FOXP2: variants seen among roughly 807,000 people sequenced by gnomAD.
The protein encoded by FOXP2 is forkhead box protein P2.
In FOXP2, 12 loss-of-function variants were observed where a neutral mutation model predicts 115.8. That is an observed-to-expected ratio of 0.10 (90% CI 0.07 to 0.17). The LOEUF (loss-of-function observed/expected upper bound fraction) is 0.17. FOXP2 is among the 10% of genes least tolerant of loss of function. The pLI is 1.00. For missense variants in FOXP2, 629 were observed against 843.5 expected (o/e 0.75, Z 3.15); for synonymous variants, 328 against 297.7 (o/e 1.10, Z -1.05).
intron 6 of FOXP2, among the ~76,000 whole-genome samples, chr7:114,640,868 G>C (rs1247413778): frequency 6.6e-6 from 1 of 152,150 alleles, no homozygotes; most frequent in African/African-American, 2.4e-5. Context: ...TAAATTGGGT[G>C]ATTTGGGGGA....
At position 114,691,873 on chromosome 7, in the gene FOXP2, C is replaced by T. The variant is rs777110115; in HGVS notation, c.*1947C>T. 2.0e-4 allele frequency: 90 copies of T among 448,998 alleles called. No individual in the cohort carries two copies. In the Middle Eastern group the frequency reaches 3.5e-3, roughly 17 times the overall value. The allele number at this position is 448,998 out of a possible 1,614,324, so 27.8% of individuals were successfully genotyped here. Reference sequence around the variant, plus strand: ...CACACCAAATAAAAGGACATAACGGCTTTCAAAAGGGTTTTCCCACTTACC... The same window carrying T: ...CACACCAAATAAAAGGACATAACGGTTTTCAAAAGGGTTTTCCCACTTACC... On this transcript the variant is annotated 3_prime_UTR_variant, in exon 17 of 17. Transcript: ENST00000350908.
rs530446999 is a variant in FOXP2, at chr7:114,671,082, T to A, written c.2003+6646T>A. ...TCTTACAATTTTTCTTCTGATTTAA[T>A]TCCATTTTTATTTAATCTCTAAACT... On this transcript the variant is annotated intron_variant, in intron 16 of 16. Coordinates refer to ENST00000350908, the MANE Select transcript of FOXP2 (RefSeq NM_014491.4). 2.2e-4 allele frequency among the ~76,000 whole-genome samples: 34 copies of A among 152,256 alleles called. No homozygotes were observed. In the South Asian group the frequency reaches 6.8e-3, roughly 31 times the overall value.
intron 1 of FOXP2, among the ~76,000 whole-genome samples, chr7:114,228,563 A>G (rs966645029): frequency 1.3e-4 from 20 of 152,106 alleles, no homozygotes; most frequent in African/African-American, 2.2e-4. Flanking sequence ...AAATTGCAGC[A>G]TGAAGATTAT....
intron 2 of FOXP2, among the ~76,000 whole-genome samples, chr7:114,353,100 A>T (rs1791533051): frequency 1.3e-5 from 2 of 152,116 alleles, no homozygotes; most frequent in Non-Finnish European, 2.9e-5. Flanking sequence ...TGTCCATAAG[A>T]CAATCCTTTA....
intron 6 of FOXP2, among the ~76,000 whole-genome samples, chr7:114,639,474 G>C (rs1225462207): frequency 6.6e-6 from 1 of 151,832 alleles, no homozygotes; most frequent in Non-Finnish European, 1.5e-5. Context: ...GATAACAAGA[G>C]GTAGACTAGA....
At chr7:114,384,843 C>T (rs984010087) in intron 2 of FOXP2, among the ~76,000 whole-genome samples, 5 of 151,574 alleles carry the variant, frequency 3.3e-5, no homozygotes, top group African/African-American at 4.9e-5. Flanking sequence ...TTGTCGCTAC[C>T]GACTGAATGC....
rs538729053 is a variant in FOXP2, at chr7:114,106,232, G to C, written c.-247+18394G>C. Among the ~76,000 whole-genome samples, 7 of 152,106 alleles carry C rather than the reference G, an allele frequency of 4.6e-5. No individual in the cohort carries two copies. The South Asian group carries it at 1.5e-3, about 32-fold the overall frequency. ...ATATAGACAAAATAACTATATTGTA[G>C]TATTTTTATATGAATTTAAAACCAT... On this transcript the variant is annotated intron_variant, in intron 1 of 19. Coordinates refer to the FOXP2 transcript ENST00000635638.
intron 2 of FOXP2, among the ~76,000 whole-genome samples, chr7:114,470,286 T>C (rs987422504): frequency 2.0e-5 from 3 of 152,150 alleles, no homozygotes; most frequent in Non-Finnish European, 4.4e-5. Flanking sequence ...CTTGGAATGT[T>C]TTCCCCCGAC....
At chr7:114,445,754 A>G (rs963654156) in intron 2 of FOXP2, among the ~76,000 whole-genome samples, 2 of 152,020 alleles carry the variant, frequency 1.3e-5, no homozygotes, top group Non-Finnish European at 2.9e-5. Context: ...TATAATATTT[A>G]ATAGTATAAT....
chr7:114,551,773 G>T (rs929880971), intron 3 of FOXP2, among the ~76,000 whole-genome samples: 3 of 152,032 alleles, frequency 2.0e-5, no homozygotes, highest in African/African-American at 7.3e-5. Context: ...AGAGTGGCAG[G>T]TATTTATTTT....
intron 16 of FOXP2, chr7:114,669,958 A>G (rs962092471): frequency 3.3e-5 from 5 of 152,160 alleles, no homozygotes; most frequent in Admixed American, 1.3e-4. Context: ...TGTTGTGTCT[A>G]GAGATCAAAA....
intron 10 of FOXP2, chr7:114,656,340 A>ACTTTT (rs1227182569): frequency 2.2e-5 from 4 of 183,122 alleles, no homozygotes; most frequent in Non-Finnish European, 4.7e-5. Context: ...ATGGGGAAAT[A>ACTTTT]CTTTTCTTTT....
intron 1 of FOXP2, among the ~76,000 whole-genome samples, chr7:114,235,880 C>CA (rs1794995453): frequency 6.6e-6 from 1 of 152,178 alleles, no homozygotes. Context: ...TAAACTTATA[C>CA]AACTCATTCT....
chr7:114,145,438 TTTCTTTTCTTTTCTTTTC>T lies in FOXP2; in HGVS notation c.-246-17503_-246-17486del, dbSNP rs1185061679. Among the ~76,000 whole-genome samples the T allele has an allele frequency of 5.5e-3, 115 of 20,892 alleles. 1 individual carries two copies. Among genetic ancestry groups the T allele is most frequent in the East Asian group, 0.023 (35 of 1,490 alleles). The allele number at this position is 20,892 out of a possible 152,430, so 13.7% of individuals were successfully genotyped here. A position where few individuals can be genotyped will look rare whatever the true frequency, so the allele number is the denominator to read the frequency against. On this transcript the variant is annotated intron_variant, in intron 1 of 19. Transcript: ENST00000635638. ...AAATAGTAGCTTTGCCATTTTTTCTTTTCTTTTCTTTTCTTTTCTTTTCTTTTCTTTTCTTTTCTTTTC... is the reference window on the plus strand; with the variant it reads ...AAATAGTAGCTTTGCCATTTTTTCTTTTTTCTTTTCTTTTCTTTTCTTTTC...
chr7:114,606,373 AC>A (rs1803328066), intron 3 of FOXP2, among the ~76,000 whole-genome samples: 1 of 152,186 alleles, frequency 6.6e-6, no homozygotes, highest in South Asian at 2.1e-4. Context: ...AAGCCAACTC[AC>A]AGTCAAACTA....
chr7:114,513,367 T>C (rs913345167), intron 2 of FOXP2, among the ~76,000 whole-genome samples: 3 of 152,156 alleles, frequency 2.0e-5, no homozygotes, highest in Non-Finnish European at 4.4e-5. Context: ...TGACTATAAT[T>C]AGTAAGGGTA....
At chr7:114,211,356 G>T (rs1267216188) in intron 1 of FOXP2, among the ~76,000 whole-genome samples, 2 of 152,214 alleles carry the variant, frequency 1.3e-5, no homozygotes, top group Non-Finnish European at 2.9e-5. Context: ...CTCACAAGGG[G>T]ATCTCCTGAT....
chr7:114,102,057 C>T (rs775491754), intron 1 of FOXP2, among the ~76,000 whole-genome samples: 20 of 151,824 alleles, frequency 1.3e-4, no homozygotes, highest in Non-Finnish European at 2.8e-4. Context: ...TAAATTAGAT[C>T]TTGAAGTGTC....
In FOXP2 at chr7:114,693,761, AC is replaced by A. The variant is rs1808795765; in HGVS notation, c.*3838del. 1 of 317,224 alleles carries A rather than the reference AC, an allele frequency of 3.2e-6. No individual in the cohort carries two copies. The allele number at this position is 317,224 out of a possible 1,614,324, so 19.7% of individuals were successfully genotyped here. A position where few individuals can be genotyped will look rare whatever the true frequency, so the allele number is the denominator to read the frequency against. On this transcript the variant is annotated 3_prime_UTR_variant, in exon 17 of 17. Transcript: ENST00000350908. ...AAATAAAAAAATCTAATTCTTTTTG[AC>A]CCATTTATAACCAATAGGATTTTAT... is the stretch of plus-strand genomic sequence containing the variant.
Sources: gnomAD v4.1 joint callset for allele counts (sites outside exome capture counted in the v4.1 genomes callset) on GRCh38, gnomAD v4.1.1 for gene constraint, MANE v1.5 for transcripts, NCBI Gene and HGNC (gene_info 2026-07-23, HGNC 2026-07-21) for gene names.